Variants in RNMT observed in about 807,000 individuals in gnomAD.
RNMT encodes RNA guanine-7 methyltransferase, also known as mRNA cap guanine-N(7) methyltransferase.
In RNMT, 27 loss-of-function variants were observed where a neutral mutation model predicts 56.0. The observed-to-expected ratio is 0.48, with a 90% CI of 0.36 to 0.67. RNMT has a LOEUF of 0.67. RNMT is among the 30% of genes least tolerant of loss of function. The pLI, the probability that RNMT is intolerant of heterozygous loss-of-function variation, is 0.00. For missense variants in RNMT, 519 were observed against 552.1 expected (o/e 0.94, Z 0.60); for synonymous variants, 184 against 176.2 (o/e 1.04, Z -0.35).
Position 13,761,449 on chromosome 18 carries a change from C to T in RNMT, c.*1470C>T, listed in dbSNP as rs895755009. On this transcript the variant is annotated 3_prime_UTR_variant, in exon 12 of 12. Coordinates refer to ENST00000383314, the MANE Select transcript of RNMT (RefSeq NM_003799.3). ...GCAGTGCCAGGAAGTATATTGATAG[C>T]TTTGTAGGTACAGGAAAAACATCAT... 3.0e-6 allele frequency: 3 copies of T among 985,940 alleles called. No individual in the cohort carries two copies. The African/African-American group carries it at 5.2e-5, about 17-fold the overall frequency. The allele number at this position is 985,940 out of a possible 1,614,324, so 61.1% of individuals were successfully genotyped here.
rs1371640815 is a variant in RNMT at position 13,742,522 on chromosome 18, G to A, written c.1009G>A (p.Gly337Arg). Reference protein sequence around the residue: ...RLEASETESFGNEIYTVKFQK... With the variant: ...RLEASETESFRNEIYTVKFQK... ...TGAAGCTTCAGAAACAGAATCATTT[G>A]GAAATGAAATATATACTGTGAAATT... Residue 337 changes from glycine (G) to arginine (R), a missense_variant, in exon 8 of 12, where the codon GGA becomes AGA. Gly to Arg is a moderately radical substitution (Grantham distance 125, BLOSUM62 -2). Transcript: ENST00000383314. 2 of 1,612,032 alleles carry A rather than the reference G, an allele frequency of 1.2e-6. No individual in the cohort carries two copies. Among genetic ancestry groups the A allele is most frequent in the South Asian group, 2.2e-5 (2 of 90,386 alleles).
chr18:13,744,159 C>CATTTTTTTTTT (rs2044308157), intron 8 of RNMT, among the ~76,000 whole-genome samples: 1 of 91,398 alleles, frequency 1.1e-5, no homozygotes, highest in Non-Finnish European at 2.2e-5. Flanking sequence ...TAGCGGTCTT[C>CATTTTTTTTTT]TTTTTTTTTT....
At chr18:13,728,333 TGTGTGTGTGTG>T (rs1486489338) in intron 1 of RNMT, among the ~76,000 whole-genome samples, 3 of 7,586 alleles carry the variant, frequency 4.0e-4, no homozygotes, top group Non-Finnish European at 8.0e-4. Context: ...TTTTTTTTTG[TGTGTGTGTGTG>T]TGTGTGTGTG....
chr18:13,742,868 T>C (rs2044274990), intron 8 of RNMT: 1 of 331,558 alleles, frequency 3.0e-6, no homozygotes, highest in African/African-American at 2.1e-5. Flanking sequence ...TAGCCTAACT[T>C]AGTTTTCTCT....
intron 1 of RNMT, among the ~76,000 whole-genome samples, chr18:13,728,112 C>T (rs1021280787): frequency 2.0e-5 from 3 of 152,094 alleles, no homozygotes; most frequent in Non-Finnish European, 2.9e-5. Context: ...AACTGTTCAT[C>T]GGACAGGGGA....
At chr18:13,729,775 T>A (rs1218431972) in intron 1 of RNMT, among the ~76,000 whole-genome samples, 1 of 152,198 alleles carries the variant, frequency 6.6e-6, no homozygotes, top group East Asian at 1.9e-4. Context: ...TTACTTTTTT[T>A]TTTAAGCACA....
chr18:13,754,215 C>T (rs1263416159), intron 11 of RNMT, 68 bp downstream of exon 11: 2 of 1,118,170 alleles, frequency 1.8e-6, no homozygotes, highest in African/African-American at 3.1e-5. Context: ...ATCATTAAAA[C>T]CTGAAAAAAG....
intron 3 of RNMT, 96 bp from the exon 4 acceptor site, chr18:13,734,368 C>G: frequency 9.1e-7 from 1 of 1,100,676 alleles, no homozygotes; most frequent in South Asian, 1.7e-5. Flanking sequence ...TTTACCAATT[C>G]TAATAGCATT....
intron 9 of RNMT, among the ~76,000 whole-genome samples, chr18:13,751,633 T>C (rs564775518): frequency 1.1e-3 from 162 of 152,304 alleles, no homozygotes; most frequent in African/African-American, 3.8e-3. Context: ...ACCCAAAGGA[T>C]TATAAATCAT....
chr18:13,762,432 C>T lies in RNMT; in HGVS notation c.*2453C>T, dbSNP rs957301647. On this transcript the variant is annotated 3_prime_UTR_variant, in exon 12 of 12. Transcript: ENST00000383314. ...GAGTGACTCTGCAGAGTCACTGCAC[C>T]ATCAGGCTTGGCCCTGCTGTGCCTT... 2.2e-5 allele frequency: 8 copies of T among 369,234 alleles called. No homozygotes were observed. The highest frequency in any genetic ancestry group is 4.0e-5 in the Non-Finnish European group (8 of 202,512). 22.9% of individuals were successfully genotyped at this position (369,234 alleles called of 1,614,324 possible). A position where few individuals can be genotyped will look rare whatever the true frequency, so the allele number is the denominator to read the frequency against.
At chr18:13,754,755 C>T (rs12969720) in intron 11 of RNMT, among the ~76,000 whole-genome samples, 1 of 152,154 alleles carries the variant, frequency 6.6e-6, no homozygotes, top group African/African-American at 2.4e-5. Flanking sequence ...CAGATTTCTA[C>T]TGGAATTTTT....
intron 9 of RNMT, among the ~76,000 whole-genome samples, chr18:13,750,425 G>C (rs1233376009): frequency 2.0e-5 from 3 of 151,890 alleles, no homozygotes; most frequent in African/African-American, 7.3e-5. Flanking sequence ...GAAGGTGCAA[G>C]TGTTTGCTGC....
At chr18:13,733,343 A>T (rs1169083194) in intron 3 of RNMT, among the ~76,000 whole-genome samples, 2 of 152,200 alleles carry the variant, frequency 1.3e-5, no homozygotes, top group Admixed American at 1.3e-4. Context: ...GCATTATTAT[A>T]ATAGAAATCA....
rs1201678288 is a variant in RNMT, at chr18:13,734,560, C to T, written c.514C>T (p.Leu172=). The change falls in exon 4 of 12, where the codon CTA becomes TTA. Residue 172 remains leucine (L), a synonymous_variant. Coordinates refer to ENST00000383314, the MANE Select transcript of RNMT (RefSeq NM_003799.3). ...GCGTAGTCAAAGTCGTATTTTTTAC[C>T]TAAGAAACTTTAATAATTGGATGAA... The part of the protein sequence containing the change: ...EKRSQSRIFY[L]RNFNNWMKSV... The T allele has an allele frequency of 1.2e-6, 2 of 1,613,194 alleles. No homozygotes were observed. The highest frequency in any genetic ancestry group is 1.7e-6 in the Non-Finnish European group (2 of 1,179,506).
At position 13,731,580 on chromosome 18, in the gene RNMT, A is replaced by G; in HGVS notation, c.63A>G (p.Ser21=). The G allele has an allele frequency of 1.1e-5, 18 of 1,613,000 alleles. No homozygotes were observed. The highest frequency in any genetic ancestry group is 1.5e-5 in the Non-Finnish European group (18 of 1,179,744). ...EKMSLEQAKA[S]VNSETESSFN... is the part of the protein sequence containing the mutation. ...TGTCTCTTGAACAGGCAAAAGCGTC[A>G]GTGAATTCTGAAACAGAGTCTTCAT... is the stretch of plus-strand genomic sequence containing the variant. Residue 21 remains serine (S), a synonymous_variant, in exon 3 of 12, where the codon TCA becomes TCG. Transcript: ENST00000383314.
intron 4 of RNMT, among the ~76,000 whole-genome samples, chr18:13,735,612 C>G (rs1192530245): frequency 6.6e-6 from 1 of 151,606 alleles, no homozygotes; most frequent in Non-Finnish European, 1.5e-5. Context: ...CCTTCATTAC[C>G]CTCAATGATG....
At chr18:13,731,271 G>C (rs2044062364) in intron 2 of RNMT, among the ~76,000 whole-genome samples, 1 of 152,152 alleles carries the variant, frequency 6.6e-6, no homozygotes, top group African/African-American at 2.4e-5. Context: ...AGCCAGGCGT[G>C]GTGGCAGGTG....
chr18:13,756,973 A>G (rs564586983), intron 11 of RNMT, among the ~76,000 whole-genome samples: 2 of 152,348 alleles, frequency 1.3e-5, no homozygotes, highest in Admixed American at 1.3e-4. Flanking sequence ...TAGAAGATAT[A>G]CAGGCATACC....
At chr18:13,728,829 G>A (rs1025494507) in intron 1 of RNMT, among the ~76,000 whole-genome samples, 1 of 152,004 alleles carries the variant, frequency 6.6e-6, no homozygotes, top group African/African-American at 2.4e-5. Context: ...TAGTAGGATT[G>A]CTTCTTTTTT....
Sources: gnomAD v4.1 joint callset for allele counts (sites outside exome capture counted in the v4.1 genomes callset) on GRCh38, gnomAD v4.1.1 for gene constraint, MANE v1.5 for transcripts, NCBI Gene and HGNC (gene_info 2026-07-23, HGNC 2026-07-21) for gene names.